ADGRL2: variants seen among roughly 807,000 people sequenced by gnomAD.
ADGRL2 encodes adhesion G protein-coupled receptor L2.
ADGRL2 carries 44 observed loss-of-function variants against 157.4 expected under a neutral mutation model. The observed-to-expected ratio is 0.28, with a 90% CI of 0.22 to 0.36. The LOEUF (loss-of-function observed/expected upper bound fraction) is 0.36, where lower values mean the gene tolerates loss of function less well. Ranked by LOEUF, ADGRL2 falls within the 10% of genes least tolerant of loss-of-function variation. The pLI, the probability that ADGRL2 is intolerant of heterozygous loss-of-function variation, is 1.00. For synonymous variants in ADGRL2, 585 were observed against 624.7 expected (o/e 0.94, Z 0.95); for missense variants, 1,510 against 1,768.9 (o/e 0.85, Z 2.63).
chr1:81,328,614 A>G (rs536520616), intron 1 of ADGRL2, among the ~76,000 whole-genome samples: 1 of 152,286 alleles, frequency 6.6e-6, no homozygotes, highest in South Asian at 2.1e-4. Flanking sequence ...CCTTAAAAAG[A>G]TAATTTTATT....
chr1:81,648,761 A>G (rs2082358623), intron 3 of ADGRL2, among the ~76,000 whole-genome samples: 1 of 152,176 alleles, frequency 6.6e-6, no homozygotes, highest in African/African-American at 2.4e-5. Context: ...ATTTGGTAGT[A>G]GTGGGGAAGA....
At chr1:81,507,469 G>T (rs147554354) in intron 2 of ADGRL2, among the ~76,000 whole-genome samples, 28 of 152,204 alleles carry the variant, frequency 1.8e-4, no homozygotes, top group African/African-American at 6.5e-4. Context: ...TTTGCTCCTT[G>T]GCCTCTGATT....
chr1:81,332,566 C>T (rs927339618), intron 1 of ADGRL2, among the ~76,000 whole-genome samples: 2 of 152,090 alleles, frequency 1.3e-5, no homozygotes, highest in African/African-American at 4.8e-5. Context: ...ACAATTTAAT[C>T]CCAGGTAGAT....
chr1:81,963,779 A>AT (rs776748927), intron 11 of ADGRL2, among the ~76,000 whole-genome samples: 2 of 151,266 alleles, frequency 1.3e-5, no homozygotes, highest in African/African-American at 2.4e-5. Flanking sequence ...TTTATTAAAG[A>AT]TTTTTTGCAT....
chr1:81,479,180 T>C (rs1268523910), intron 2 of ADGRL2, among the ~76,000 whole-genome samples: 27 of 152,040 alleles, frequency 1.8e-4, no homozygotes. Context: ...TTTAAAAAAT[T>C]TCTTCTTATA....
rs564720266 is a variant in ADGRL2 at position 81,770,042 on chromosome 1, G to A, written c.-101+8190G>A. On this transcript the variant is annotated intron_variant, in intron 2 of 20. Transcript: ENST00000359929. Reference sequence around the variant, plus strand: ...AATTTTTCATATTTTTAGTAGAGGCGGGGTTTCACACCATGTTGGCCAGGC... The same window carrying A: ...AATTTTTCATATTTTTAGTAGAGGCAGGGTTTCACACCATGTTGGCCAGGC... Among the ~76,000 whole-genome samples the A allele has an allele frequency of 8.7e-5, 13 of 149,142 alleles. No homozygotes were observed. The South Asian group carries it at 1.5e-3, about 17-fold the overall frequency.
At chr1:81,616,674 C>CTTTTTTTTTTTTT (rs1393879384) in intron 3 of ADGRL2, among the ~76,000 whole-genome samples, 5 of 51,864 alleles carry the variant, frequency 9.6e-5, no homozygotes, top group Admixed American at 2.1e-4. Context: ...CTTTTCTTTT[C>CTTTTTTTTTTTTT]TTTTCTTTTT....
intron 2 of ADGRL2, among the ~76,000 whole-genome samples, chr1:81,493,101 T>C (rs1371343555): frequency 6.6e-6 from 1 of 152,226 alleles, no homozygotes; most frequent in Non-Finnish European, 1.5e-5. Flanking sequence ...AAAATATTTG[T>C]ATCTAAATGT....
At chr1:81,670,523 G>A (rs2082852619) in intron 3 of ADGRL2, among the ~76,000 whole-genome samples, 2 of 151,824 alleles carry the variant, frequency 1.3e-5, no homozygotes, top group Non-Finnish European at 2.9e-5. Context: ...AGGAAACAGA[G>A]CTCCCAGCAG....
intron 2 of ADGRL2, among the ~76,000 whole-genome samples, chr1:81,579,012 A>G (rs1440776201): frequency 6.6e-6 from 1 of 152,168 alleles, no homozygotes; most frequent in Non-Finnish European, 1.5e-5. Flanking sequence ...CCTGCTCAGA[A>G]CAGTGTAGCC....
Position 81,378,774 on chromosome 1 carries a change from T to C in ADGRL2, c.-301-66262T>C, listed in dbSNP as rs1426091005. Among the ~76,000 whole-genome samples the C allele has an allele frequency of 2.0e-5, 3 of 152,148 alleles. No individual in the cohort carries two copies. The East Asian group carries it at 5.8e-4, about 29-fold the overall frequency. On this transcript the variant is annotated intron_variant, in intron 1 of 24. Transcript: ENST00000370721. ...CCCAGGACATAGTACTCCATAGATA[T>C]TATAACATTTTAATGGTTGAGAGTA...
intron 2 of ADGRL2, among the ~76,000 whole-genome samples, chr1:81,850,117 A>G (rs1008814840): frequency 7.2e-5 from 11 of 151,936 alleles, no homozygotes; most frequent in African/African-American, 2.4e-4. Context: ...GCTACTTTAA[A>G]CTTAATTACT....
At chr1:81,765,913 T>C (rs2086100678) in intron 2 of ADGRL2, among the ~76,000 whole-genome samples, 1 of 152,252 alleles carries the variant, frequency 6.6e-6, no homozygotes, top group South Asian at 2.1e-4. Context: ...CAGACAATAA[T>C]AATATAAAAG....
At chr1:81,820,943 G>A (rs143392308) in intron 1 of ADGRL2, among the ~76,000 whole-genome samples, 5 of 152,180 alleles carry the variant, frequency 3.3e-5, no homozygotes, top group South Asian at 2.1e-4. Flanking sequence ...ATTAGGATCC[G>A]CCCATGTATT....
intron 4 of ADGRL2, among the ~76,000 whole-genome samples, chr1:81,937,539 C>G (rs572644777): frequency 2.5e-4 from 38 of 151,738 alleles, no homozygotes; most frequent in Non-Finnish European, 5.0e-4. Flanking sequence ...AAATTGTATT[C>G]TATACTTTCA....
At chr1:81,730,056 A>C (rs2084668020) in intron 1 of ADGRL2, among the ~76,000 whole-genome samples, 1 of 152,096 alleles carries the variant, frequency 6.6e-6, no homozygotes, top group African/African-American at 2.4e-5. Context: ...ATGCTCTTTA[A>C]TCCAGTGATC....
At chr1:81,352,846 G>A (rs996944716) in intron 1 of ADGRL2, among the ~76,000 whole-genome samples, 1 of 152,130 alleles carries the variant, frequency 6.6e-6, no homozygotes, top group African/African-American at 2.4e-5. Flanking sequence ...GAGTAGTAGA[G>A]TCAGTTAACT....
At chr1:81,381,396 C>T (rs183453574) in intron 1 of ADGRL2, among the ~76,000 whole-genome samples, 516 of 152,152 alleles carry the variant, frequency 3.4e-3, no homozygotes, top group African/African-American at 0.012. Context: ...AAACTAGAAA[C>T]TCTTTCCCCT....
intron 1 of ADGRL2, among the ~76,000 whole-genome samples, chr1:81,356,032 C>A (rs767119962): frequency 2.6e-5 from 4 of 152,126 alleles, no homozygotes; most frequent in African/African-American, 4.8e-5. Context: ...GATCCCCAAC[C>A]AAATGCTTAC....
Sources: allele counts gnomAD v4.1 joint callset (sites outside exome capture counted in the v4.1 genomes callset), GRCh38; gene constraint gnomAD v4.1.1; transcripts MANE v1.5; gene names NCBI Gene and HGNC (gene_info 2026-07-23, HGNC 2026-07-21).